The following ZNF254 variants were observed in gnomAD, a reference collection of about 807,000 sequenced individuals.
The protein encoded by ZNF254 is zinc finger protein 254, also known as CTD-2017D11.1.
A neutral mutation model predicts 12.4 loss-of-function variants in ZNF254; 10 were observed. That is an observed-to-expected ratio of 0.80 (90% CI 0.50 to 1.36). The LOEUF is 1.36. Among genes scored for constraint, ZNF254 ranks in the 40% most tolerant of loss-of-function variants. ZNF254 has a pLI of 0.00. For synonymous variants in ZNF254, 305 were observed against 253.4 expected, an observed-to-expected ratio of 1.20 and a Z score of -1.93; for missense variants, 996 against 763.9, an observed-to-expected ratio of 1.30 and a Z score of -3.58.
At chr19:24,082,442 C>T (rs113150132), upstream of ZNF254, among the ~76,000 whole-genome samples, 13 of 116,572 alleles carry the variant, frequency 1.1e-4, no homozygotes, top group African/African-American at 3.4e-4. Flanking sequence ...GTCAGGAGAT[C>T]GAGACCGTCC....
At chr19:24,048,003 CTTTTT>C (rs398034320) in intron 2 of ZNF254, among the ~76,000 whole-genome samples, 36 of 68,818 alleles carry the variant, frequency 5.2e-4, no homozygotes, top group South Asian at 3.9e-3. Flanking sequence ...TTCTTTTCTT[CTTTTT>C]TTTTTTTTTT....
rs532477344 is a variant in ZNF254, at chr19:24,067,250, A to G, written c.-94+20971A>G. 4.9e-4 allele frequency among the ~76,000 whole-genome samples: 75 copies of G among 151,930 alleles called. 2 individuals carry two copies. The highest frequency in any genetic ancestry group is 9.2e-4 in the Admixed American group (14 of 15,244). ...TCACTTTGTCCATAGGTTAGCTTTT[A>G]ATATACCTTTGGGCCTGGGTCATGC... is the stretch of plus-strand genomic sequence containing the variant. On this transcript the variant is annotated intron_variant, in intron 2 of 4. Transcript: ENST00000613065.
At chr19:24,121,277 T>C (rs1202858500) in intron 3 of ZNF254, among the ~76,000 whole-genome samples, 7 of 152,208 alleles carry the variant, frequency 4.6e-5, no homozygotes, top group African/African-American at 1.7e-4. Flanking sequence ...TAAGATTACC[T>C]TAATGAATAT....
At chr19:24,124,865 C>T (rs1407633411) in intron 3 of ZNF254, among the ~76,000 whole-genome samples, 2 of 151,974 alleles carry the variant, frequency 1.3e-5, no homozygotes, top group African/African-American at 4.8e-5. Context: ...GCTCCACTTC[C>T]TGGGTTCAAG....
intron 3 of ZNF254, among the ~76,000 whole-genome samples, chr19:24,120,913 C>CT (rs1041513391): frequency 2.0e-5 from 3 of 151,866 alleles, no homozygotes; most frequent in Admixed American, 2.0e-4. Flanking sequence ...CCTCCCGTTT[C>CT]TTTTTTTTAT....
At chr19:24,121,705 C>T (rs1974496166) in intron 3 of ZNF254, among the ~76,000 whole-genome samples, 1 of 151,912 alleles carries the variant, frequency 6.6e-6, no homozygotes, top group African/African-American at 2.4e-5. Flanking sequence ...TTACAGGCGC[C>T]CACTACCAAG....
intron 1 of ZNF254, among the ~76,000 whole-genome samples, chr19:24,034,394 T>G (rs999063778): frequency 6.6e-6 from 1 of 151,556 alleles, no homozygotes; most frequent in Non-Finnish European, 1.5e-5. Flanking sequence ...GGCACAAAAA[T>G]GGGGTTGGGA....
chr19:24,117,885 T>G (rs1343791552), intron 3 of ZNF254, among the ~76,000 whole-genome samples: 1 of 152,032 alleles, frequency 6.6e-6, no homozygotes, highest in East Asian at 1.9e-4. Flanking sequence ...CATTCTATCA[T>G]ACATGTCTTC....
At chr19:24,057,497 C>T (rs1336026282) in intron 2 of ZNF254, among the ~76,000 whole-genome samples, 1 of 152,208 alleles carries the variant, frequency 6.6e-6, no homozygotes, top group Non-Finnish European at 1.5e-5. Context: ...TTGCGACTCT[C>T]ATGGGAACCT....
intron 3 of ZNF254, among the ~76,000 whole-genome samples, chr19:24,107,918 GTCT>G (rs1438851446): frequency 3.3e-5 from 5 of 152,168 alleles, no homozygotes; most frequent in Admixed American, 3.3e-4. Flanking sequence ...ACCTTCAGTT[GTCT>G]TCTTAAAAGG....
intron 2 of ZNF254, among the ~76,000 whole-genome samples, chr19:24,073,296 C>T (rs908882272): frequency 6.6e-6 from 1 of 152,194 alleles, no homozygotes; most frequent in Admixed American, 6.5e-5. Context: ...CTACAGTTAA[C>T]ATGGTGACTA....
At chr19:24,107,774 A>G (rs1973434567) in intron 3 of ZNF254, among the ~76,000 whole-genome samples, 1 of 152,178 alleles carries the variant, frequency 6.6e-6, no homozygotes, top group Non-Finnish European at 1.5e-5. Context: ...CACCTCTTCA[A>G]GTTTCTATAA....
chr19:24,064,548 TG>T (rs1336652598), intron 2 of ZNF254: 1 of 152,276 alleles, frequency 6.6e-6, no homozygotes, highest in Admixed American at 6.5e-5. Context: ...GTTTTTGAGA[TG>T]GAGTTTTGCT....
At chr19:24,122,223 T>A (rs1974530350) in intron 3 of ZNF254, among the ~76,000 whole-genome samples, 1 of 152,036 alleles carries the variant, frequency 6.6e-6, no homozygotes, top group African/African-American at 2.4e-5. Flanking sequence ...ACCACTTTTT[T>A]CTTGTTTTTT....
chr19:24,105,176 A>C (rs1350323737), intron 1 of ZNF254: 2 of 159,342 alleles, frequency 1.3e-5, no homozygotes, highest in African/African-American at 2.4e-5. Flanking sequence ...AGATTTTTTC[A>C]CTATAGAATT....
chr19:24,125,340 C>A (rs533525966), intron 3 of ZNF254, among the ~76,000 whole-genome samples: 1 of 145,456 alleles, frequency 6.9e-6, no homozygotes, highest in Admixed American at 6.9e-5. Context: ...TCTGATTTTC[C>A]ATAGTTGTTT....
At chr19:24,075,897 C>G (rs991800185) in intron 2 of ZNF254, among the ~76,000 whole-genome samples, 1 of 152,280 alleles carries the variant, frequency 6.6e-6, no homozygotes, top group East Asian at 1.9e-4. Flanking sequence ...CAGGCCTGTT[C>G]CTTGCTGAGA....
rs1290439652 is a variant in ZNF254 at position 24,128,197 on chromosome 19, T to C, written c.*217T>C. The C allele has an allele frequency of 1.2e-5, 6 of 488,340 alleles. No individual in the cohort carries two copies. The highest frequency in any genetic ancestry group is 2.0e-5 in the Non-Finnish European group (6 of 294,092). The allele number at this position is 488,340 out of a possible 1,614,324, so 30.3% of individuals were successfully genotyped here. ...TGATTGTAGGTAAGATAATTCATAC[T>C]GGAGAAAACTACCAGTGTGAACAAC... On this transcript the variant is annotated 3_prime_UTR_variant, in exon 4 of 4. Coordinates refer to ENST00000357002, the MANE Select transcript of ZNF254 (RefSeq NM_203282.4).
intron 2 of ZNF254, 162 bp from the exon 3 acceptor site, chr19:24,106,386 A>C (rs1387938049): frequency 1.7e-6 from 1 of 586,778 alleles, no homozygotes; most frequent in Non-Finnish European, 2.5e-6. Context: ...AGAACCTAAA[A>C]AATTAAAATA....
Sources: allele counts gnomAD v4.1 joint callset (sites outside exome capture counted in the v4.1 genomes callset), GRCh38; gene constraint gnomAD v4.1.1; transcripts MANE v1.5; gene names NCBI Gene and HGNC (gene_info 2026-07-23, HGNC 2026-07-21).